The following KCNB2 variants were observed in gnomAD, a reference collection of about 807,000 sequenced individuals.
KCNB2 encodes potassium voltage-gated channel subfamily B member 2.
KCNB2 carries 15 observed loss-of-function variants against 61.5 expected under a neutral mutation model. That is an observed-to-expected ratio of 0.24 (90% confidence interval 0.16 to 0.38). The LOEUF (loss-of-function observed/expected upper bound fraction) is 0.38. Ranked by LOEUF, KCNB2 falls within the 10% of genes least tolerant of loss-of-function variation. The probability of loss-of-function intolerance (pLI) is 1.00; values close to 1 mark genes in which losing one functional copy is unlikely to be tolerated. For synonymous variants in KCNB2, 457 were observed against 446.0 expected (o/e 1.02, Z -0.31); for missense variants, 828 against 1,125.2 (o/e 0.74, Z 3.78).
intron 2 of KCNB2, among the ~76,000 whole-genome samples, chr8:72,629,752 C>T (rs1170534254): frequency 3.3e-5 from 5 of 152,276 alleles, no homozygotes; most frequent in African/African-American, 1.2e-4. Context: ...TAAGAACCTC[C>T]TAAGCCAGGC....
rs576780535 is a variant in KCNB2 at position 72,855,634 on chromosome 8, A to G, written c.580-80301A>G. ...CTATGAGTTCCACAAAGGCAAATAC[A>G]TGATTTTTTTTCTATATCTCCAAGG... On this transcript the variant is annotated intron_variant, in intron 2 of 2. Coordinates refer to ENST00000523207, the MANE Select transcript of KCNB2 (RefSeq NM_004770.3). 5.9e-5 allele frequency among the ~76,000 whole-genome samples: 9 copies of G among 152,318 alleles called. 1 individual carries two copies. The South Asian group carries it at 1.9e-3, about 32-fold the overall frequency.
intron 2 of KCNB2, among the ~76,000 whole-genome samples, chr8:72,648,932 A>G (rs574080101): frequency 6.6e-6 from 1 of 152,138 alleles, no homozygotes; most frequent in Non-Finnish European, 1.5e-5. Flanking sequence ...TTGCTACTGA[A>G]TTAATTTGAT....
chr8:72,545,111 A>C (rs991888347), intron 1 of KCNB2, among the ~76,000 whole-genome samples: 1 of 152,122 alleles, frequency 6.6e-6, no homozygotes, highest in Non-Finnish European at 1.5e-5. Flanking sequence ...AACTCCAGAA[A>C]ACAACCTGAA....
chr8:72,749,654 CATG>C (rs941293127), intron 2 of KCNB2, among the ~76,000 whole-genome samples: 2 of 149,764 alleles, frequency 1.3e-5, no homozygotes, highest in Admixed American at 6.7e-5. Context: ...CCCAAAAAAC[CATG>C]ATATTGCTTT....
At chr8:72,705,952 G>T (rs1180451695) in intron 2 of KCNB2, among the ~76,000 whole-genome samples, 1 of 152,172 alleles carries the variant, frequency 6.6e-6, no homozygotes, top group African/African-American at 2.4e-5. Flanking sequence ...CCAGGTTCCT[G>T]ATTGTGCTAC....
intron 2 of KCNB2, among the ~76,000 whole-genome samples, chr8:72,586,747 A>G (rs781376258): frequency 4.1e-4 from 62 of 152,224 alleles, no homozygotes; most frequent in Non-Finnish European, 8.1e-4. Context: ...GAGTAATTCC[A>G]TCAGCCATGC....
chr8:72,795,628 A>AAAAC (rs1239265841), intron 2 of KCNB2, among the ~76,000 whole-genome samples: 1 of 152,206 alleles, frequency 6.6e-6, no homozygotes, highest in African/African-American at 2.4e-5. Context: ...TTCATTTCCA[A>AAAAC]AAACAAACAA....
intron 2 of KCNB2, among the ~76,000 whole-genome samples, chr8:72,686,012 G>A (rs1310925583): frequency 6.6e-6 from 1 of 152,164 alleles, no homozygotes; most frequent in African/African-American, 2.4e-5. Context: ...AGAAGGTCCA[G>A]ATGTCAGACA....
intron 2 of KCNB2, among the ~76,000 whole-genome samples, chr8:72,685,355 G>A (rs1007438804): frequency 2.0e-5 from 3 of 151,986 alleles, no homozygotes; most frequent in Non-Finnish European, 2.9e-5. Flanking sequence ...TAAGGACTTG[G>A]GCAGTGTTAA....
intron 2 of KCNB2, among the ~76,000 whole-genome samples, chr8:72,574,830 C>T (rs1357614216): frequency 6.6e-6 from 1 of 151,904 alleles, no homozygotes; most frequent in African/African-American, 2.4e-5. Context: ...GGTTTGTTTT[C>T]TTTGTTTCAA....
rs547001099 is a variant in KCNB2, at chr8:72,936,228, G to A, written c.873G>A (p.Leu291=). The stretch of plus-strand genomic sequence containing the variant: ...TGACGGAGTCCAACAAGAGCGTGCT[G>A]CAGTTCCAAAACGTGAGGCGCGTGG... ...IFLTESNKSV[L]QFQNVRRVVQ... The change falls in exon 3 of 3, where the codon CTG becomes CTA. Residue 291 remains leucine (L), a synonymous_variant. Transcript: ENST00000523207. The surrounding 1 kb of genome is among the most constrained non-coding windows in gnomAD (Gnocchi z 5.6). 7 of 1,614,238 alleles carry A rather than the reference G, an allele frequency of 4.3e-6. No homozygotes were observed. In the African/African-American group the frequency reaches 6.7e-5, roughly 15 times the overall value.
At chr8:72,839,682 G>A (rs187103481) in intron 2 of KCNB2, among the ~76,000 whole-genome samples, 1 of 135,534 alleles carries the variant, frequency 7.4e-6, no homozygotes, top group Non-Finnish European at 1.5e-5. Flanking sequence ...GCGCGATCTC[G>A]GCTCGCTGCA....
intron 1 of KCNB2, among the ~76,000 whole-genome samples, chr8:72,540,995 A>G (rs555706451): frequency 2.9e-5 from 2 of 68,360 alleles, no homozygotes; most frequent in South Asian, 6.6e-4. Context: ...AGAATATTTT[A>G]GGGGGAAAAA....
At chr8:72,737,389 G>A (rs1317324806) in intron 2 of KCNB2, among the ~76,000 whole-genome samples, 1 of 152,176 alleles carries the variant, frequency 6.6e-6, no homozygotes, top group Non-Finnish European at 1.5e-5. Flanking sequence ...CTTCAATTCA[G>A]AGTTACTGTG....
chr8:72,936,909 A>T lies in KCNB2; in HGVS notation c.1554A>T (p.Lys518Asn). Reference protein sequence around the residue: ...FENKYQEVSQKDSHEQLNNTS... With the variant: ...FENKYQEVSQNDSHEQLNNTS... ...ATAAGTACCAGGAGGTTAGCCAAAA[A>T]GACTCCCACGAGCAGCTGAACAACA... is the stretch of plus-strand genomic sequence containing the variant. Residue 518 changes from lysine (K) to asparagine (N), a missense_variant, in exon 3 of 3, where the codon AAA (lysine) becomes AAT (asparagine). Coordinates refer to ENST00000523207, the MANE Select transcript of KCNB2 (RefSeq NM_004770.3). This position sits in a 1 kb window ranked among gnomAD's most constrained non-coding sequence, Gnocchi z 5.6. 1.2e-6 allele frequency: 2 copies of T among 1,614,178 alleles called. No individual in the cohort carries two copies. The highest frequency in any genetic ancestry group is 1.7e-6 in the Non-Finnish European group (2 of 1,180,030).
At chr8:72,794,225 T>G (rs1808989415) in intron 2 of KCNB2, among the ~76,000 whole-genome samples, 2 of 151,748 alleles carry the variant, frequency 1.3e-5, no homozygotes, top group African/African-American at 4.8e-5. Context: ...AAGTGTAGAG[T>G]CTACAACATT....
At chr8:72,770,780 G>A (rs1808544905) in intron 2 of KCNB2, among the ~76,000 whole-genome samples, 9 of 152,226 alleles carry the variant, frequency 5.9e-5, no homozygotes, top group Admixed American at 5.9e-4. Context: ...AAGAGAGTTT[G>A]TGTTTTCACT....
chr8:72,928,523 A>G (rs2129008831), intron 2 of KCNB2, among the ~76,000 whole-genome samples: 1 of 152,240 alleles, frequency 6.6e-6, no homozygotes, highest in Non-Finnish European at 1.5e-5. Context: ...CCACATATCT[A>G]AGATGTTGTA....
At chr8:72,897,350 C>A (rs750079691) in intron 2 of KCNB2, among the ~76,000 whole-genome samples, 3 of 152,082 alleles carry the variant, frequency 2.0e-5, no homozygotes, top group African/African-American at 4.8e-5. Context: ...CTAACTCATC[C>A]AGTTTAGCAG....
Sources: gnomAD v4.1 joint callset for allele counts (sites outside exome capture counted in the v4.1 genomes callset) on GRCh38, gnomAD v4.1.1 for gene constraint, Gnocchi (gnomAD v3.1) non-coding constraint, MANE v1.5 for transcripts, NCBI Gene and HGNC (gene_info 2026-07-23, HGNC 2026-07-21) for gene names.